ZFPM2: variants seen among roughly 807,000 people sequenced by gnomAD.
ZFPM2 encodes the protein zinc finger protein ZFPM2.
A neutral mutation model predicts 98.6 loss-of-function variants in ZFPM2; 20 were observed. The ratio of observed to expected loss-of-function variants is 0.20; its 90% CI spans 0.14 to 0.29. The LOEUF is 0.29. ZFPM2 is among the 10% of genes least tolerant of loss of function. The pLI is 1.00. For missense variants in ZFPM2, 1,310 were observed against 1,388.6 expected (o/e 0.94, Z 0.90); for synonymous variants, 518 against 502.7 (o/e 1.03, Z -0.41).
At chr8:105,763,705 A>G (rs949619593) in intron 5 of ZFPM2, among the ~76,000 whole-genome samples, 3 of 151,876 alleles carry the variant, frequency 2.0e-5, no homozygotes, top group African/African-American at 7.2e-5. Flanking sequence ...GATGCTAAAT[A>G]TTTATAGTTG....
chr8:105,779,391 C>T (rs1417833856), intron 5 of ZFPM2, among the ~76,000 whole-genome samples: 2 of 152,172 alleles, frequency 1.3e-5, no homozygotes, highest in Non-Finnish European at 2.9e-5. Flanking sequence ...AGAAAGCAAG[C>T]GTCTATCAAT....
intron 3 of ZFPM2, among the ~76,000 whole-genome samples, chr8:105,444,761 A>G (rs7828822): frequency 0.016 from 2,448 of 152,340 alleles, 60 homozygotes; most frequent in African/African-American, 0.056. Context: ...CATGTTTTAA[A>G]TCATAGGTTG....
In ZFPM2 at chr8:105,696,320, C is replaced by T. The variant is rs985467036; in HGVS notation, c.532+61963C>T. ...GTCTTTTAAGAATCCTTCACTTACCCTTATATGATCGTGGACATCCTTCCC... is the reference window on the plus strand; with the variant it reads ...GTCTTTTAAGAATCCTTCACTTACCTTTATATGATCGTGGACATCCTTCCC... On this transcript the variant is annotated intron_variant, in intron 5 of 7. Transcript: ENST00000407775. Among the ~76,000 whole-genome samples the T allele has an allele frequency of 4.1e-4, 63 of 152,164 alleles. 1 individual carries two copies. The highest frequency in any genetic ancestry group is 1.5e-5 in the Non-Finnish European group (1 of 68,010).
At chr8:105,330,633 C>CAT (rs35450744) in intron 1 of ZFPM2, among the ~76,000 whole-genome samples, 18,305 of 84,068 alleles carry the variant, frequency 0.22, 2,028 homozygotes, top group Middle Eastern at 0.35. Flanking sequence ...TATATATATA[C>CAT]ATATATATAT....
At chr8:105,655,623 A>T (rs1817270435) in intron 5 of ZFPM2, among the ~76,000 whole-genome samples, 1 of 152,182 alleles carries the variant, frequency 6.6e-6, no homozygotes, top group Non-Finnish European at 1.5e-5. Context: ...CTTATTTAAA[A>T]GTCATCATTA....
At chr8:105,783,621 T>C (rs528250979) in intron 5 of ZFPM2, among the ~76,000 whole-genome samples, 3 of 152,202 alleles carry the variant, frequency 2.0e-5, no homozygotes, top group East Asian at 3.9e-4. Flanking sequence ...AAGTACTTCA[T>C]GTAAGTGGAA....
chr8:105,444,676 A>G (rs190582352), intron 3 of ZFPM2, among the ~76,000 whole-genome samples: 10 of 152,146 alleles, frequency 6.6e-5, no homozygotes, highest in East Asian at 1.9e-4. Flanking sequence ...GCTACATCCA[A>G]ATTTAAATTG....
At chr8:105,694,197 A>G (rs13269384) in intron 5 of ZFPM2, among the ~76,000 whole-genome samples, 18,863 of 151,758 alleles carry the variant, frequency 0.12, 1,384 homozygotes, top group Middle Eastern at 0.26. Context: ...TGTGTTAGCC[A>G]GGATGGTCTC....
At chr8:105,526,985 T>A (rs1407425592) in intron 3 of ZFPM2, among the ~76,000 whole-genome samples, 2 of 152,102 alleles carry the variant, frequency 1.3e-5, no homozygotes, top group African/African-American at 4.8e-5. Context: ...TTCTTCACCT[T>A]CCCAGTAGTA....
At chr8:105,424,839 T>G (rs1488298697) in intron 2 of ZFPM2, among the ~76,000 whole-genome samples, 2 of 152,130 alleles carry the variant, frequency 1.3e-5, no homozygotes, top group East Asian at 3.9e-4. Context: ...GTCCCCACTC[T>G]CAGGAGGAGA....
chr8:105,350,909 G>A (rs566010503), intron 1 of ZFPM2, among the ~76,000 whole-genome samples: 6 of 151,982 alleles, frequency 3.9e-5, no homozygotes, highest in Middle Eastern at 3.4e-3. Context: ...TGGGCTGGGC[G>A]TGGTGGCTCA....
chr8:105,534,042 C>CTTCCTTCTTT (rs1814374291), intron 3 of ZFPM2, among the ~76,000 whole-genome samples: 1 of 30,004 alleles, frequency 3.3e-5, no homozygotes, highest in Non-Finnish European at 6.0e-5. Flanking sequence ...CTCCCTCCCT[C>CTTCCTTCTTT]CCTTCCTCCC....
At chr8:105,593,671 A>T (rs1281077575) in intron 4 of ZFPM2, among the ~76,000 whole-genome samples, 1 of 151,800 alleles carries the variant, frequency 6.6e-6, no homozygotes, top group Non-Finnish European at 1.5e-5. Flanking sequence ...AAAAAAAGGA[A>T]ATTATCTTTG....
At chr8:105,417,502 A>T (rs1345761308) in intron 1 of ZFPM2, among the ~76,000 whole-genome samples, 6 of 151,044 alleles carry the variant, frequency 4.0e-5, no homozygotes, top group Non-Finnish European at 4.4e-5. Flanking sequence ...CATTTGTTGA[A>T]AAAAAATAAG....
At chr8:105,761,951 A>C (rs1812742406) in intron 5 of ZFPM2, among the ~76,000 whole-genome samples, 1 of 151,956 alleles carries the variant, frequency 6.6e-6, no homozygotes, top group African/African-American at 2.4e-5. Flanking sequence ...AGCATTTAAG[A>C]AACTTTTTGA....
At chr8:105,385,717 G>A (rs1235028254) in intron 1 of ZFPM2, among the ~76,000 whole-genome samples, 2 of 152,148 alleles carry the variant, frequency 1.3e-5, no homozygotes, top group East Asian at 1.9e-4. Context: ...GGACCCCAGC[G>A]ATTACTTTAT....
chr8:105,468,837 G>A (rs997415183), intron 3 of ZFPM2, among the ~76,000 whole-genome samples: 6 of 152,070 alleles, frequency 3.9e-5, no homozygotes, highest in Non-Finnish European at 7.4e-5. Context: ...ACTAGTTATT[G>A]TATTTATTCC....
intron 1 of ZFPM2, among the ~76,000 whole-genome samples, chr8:105,385,668 C>CA (rs1337329138): frequency 6.6e-6 from 1 of 152,148 alleles, no homozygotes; most frequent in African/African-American, 2.4e-5. Context: ...TCTTTGCTTC[C>CA]AAACTACATC....
intron 3 of ZFPM2, among the ~76,000 whole-genome samples, chr8:105,514,293 G>C (rs1586428490): frequency 6.9e-6 from 1 of 145,158 alleles, no homozygotes; most frequent in African/African-American, 2.6e-5. Flanking sequence ...GTGAGCCACC[G>C]TTCCTGGTCG....
Sources: gnomAD v4.1 joint callset for allele counts (sites outside exome capture counted in the v4.1 genomes callset) on GRCh38, gnomAD v4.1.1 for gene constraint, MANE v1.5 for transcripts, NCBI Gene and HGNC (gene_info 2026-07-23, HGNC 2026-07-21) for gene names.